The following SLC25A37 variants were observed in gnomAD, a reference collection of about 807,000 sequenced individuals.
The protein encoded by SLC25A37 is mitoferrin-1.
SLC25A37 carries 17 observed loss-of-function variants against 31.0 expected under a neutral mutation model. The observed-to-expected ratio is 0.55, with a 90% CI of 0.38 to 0.82. The LOEUF (loss-of-function observed/expected upper bound fraction) is 0.82. Ranked by LOEUF, SLC25A37 falls within the 40% of genes least tolerant of loss-of-function variation. The pLI, the probability that SLC25A37 is intolerant of heterozygous loss-of-function variation, is 0.00. For synonymous variants in SLC25A37, 222 were observed against 193.0 expected (o/e 1.15, Z -1.24); for missense variants, 404 against 465.8 (o/e 0.87, Z 1.22).
chr8:23,561,618 A>C (rs1585198150), intron 1 of SLC25A37, among the ~76,000 whole-genome samples: 1 of 151,904 alleles, frequency 6.6e-6, no homozygotes, highest in Non-Finnish European at 1.5e-5. Flanking sequence ...CAGCCTGGGC[A>C]CTCTCTGTGC....
chr8:23,539,094 C>T (rs537811165), intron 1 of SLC25A37, among the ~76,000 whole-genome samples: 241 of 152,250 alleles, frequency 1.6e-3, no homozygotes, highest in Non-Finnish European at 2.5e-3. Flanking sequence ...CAGGAAGGGC[C>T]GTTGTCGGGT....
intron 3 of SLC25A37, 158 bp downstream of exon 3, chr8:23,568,536 GGCCTCAA>G: frequency 1.3e-6 from 1 of 786,668 alleles, no homozygotes; most frequent in Non-Finnish European, 2.2e-6. Flanking sequence ...CGTTATCAAA[GGCCTCAA>G]GAAAGGACGT....
chr8:23,541,587 C>T (rs1801895254), intron 1 of SLC25A37: 1 of 152,302 alleles, frequency 6.6e-6, no homozygotes, highest in Non-Finnish European at 1.5e-5. Context: ...GCTTTAGAAG[C>T]AGAACATGGA....
intron 1 of SLC25A37, among the ~76,000 whole-genome samples, chr8:23,540,819 T>C (rs1452282396): frequency 3.3e-5 from 5 of 152,122 alleles, no homozygotes; most frequent in Non-Finnish European, 7.4e-5. Flanking sequence ...CCATCCTGCC[T>C]CCCCTGGCAG....
chr8:23,566,890 G>C (rs1418571407), intron 2 of SLC25A37: 7 of 902,378 alleles, frequency 7.8e-6, no homozygotes, highest in Non-Finnish European at 9.3e-6. Flanking sequence ...CGGGGATCTG[G>C]GAATTTTACC....
intron 1 of SLC25A37, among the ~76,000 whole-genome samples, chr8:23,545,589 A>C (rs1802013615): frequency 6.6e-6 from 1 of 152,172 alleles, no homozygotes; most frequent in African/African-American, 2.4e-5. Flanking sequence ...CTTTGTTACA[A>C]AATCTCTTTG....
intron 1 of SLC25A37, among the ~76,000 whole-genome samples, chr8:23,547,692 CAG>C (rs1802104616): frequency 6.6e-6 from 1 of 152,226 alleles, no homozygotes. Flanking sequence ...TGGGAAGGAC[CAG>C]CGGCCCATGT....
chr8:23,532,523 A>G (rs1801681115), intron 1 of SLC25A37, among the ~76,000 whole-genome samples: 1 of 152,198 alleles, frequency 6.6e-6, no homozygotes, highest in African/African-American at 2.4e-5. Flanking sequence ...TTCCAACCAG[A>G]TTAGGCACAC....
At chr8:23,567,255 A>G (rs1400105509) in intron 2 of SLC25A37, 2 of 151,954 alleles carry the variant, frequency 1.3e-5, no homozygotes, top group African/African-American at 2.4e-5. Context: ...CCATTACCCA[A>G]CCTTGGTCAT....
rs549505786 is a variant in SLC25A37 at position 23,555,260 on chromosome 8, A to G, written c.211-10848A>G. Among the ~76,000 whole-genome samples the G allele has an allele frequency of 4.6e-5, 7 of 152,320 alleles. No homozygotes were observed. The South Asian group carries it at 1.4e-3, about 32-fold the overall frequency. On this transcript the variant is annotated intron_variant, in intron 1 of 3. Transcript: ENST00000519973. ...CTTTCCCAGTCAAAGTAACATATGT[A>G]CATAGTCACAAAATGAAATAGTGTA...
At chr8:23,548,827 T>A (rs1439759438) in intron 1 of SLC25A37, among the ~76,000 whole-genome samples, 1 of 152,098 alleles carries the variant, frequency 6.6e-6, no homozygotes, top group Non-Finnish European at 1.5e-5. Flanking sequence ...TAAAACACTC[T>A]CTCTCTGCTC....
intron 1 of SLC25A37, among the ~76,000 whole-genome samples, chr8:23,558,464 T>A (rs1802425011): frequency 6.6e-6 from 1 of 152,132 alleles, no homozygotes; most frequent in Non-Finnish European, 1.5e-5. Context: ...CTAGGGCCAT[T>A]GTTGCTTCTG....
chr8:23,536,469 G>A (rs1801771021), intron 1 of SLC25A37, among the ~76,000 whole-genome samples: 1 of 152,048 alleles, frequency 6.6e-6, no homozygotes, highest in Non-Finnish European at 1.5e-5. Context: ...CTCCGAGAGG[G>A]GGTTGGCCCT....
At chr8:23,547,061 G>T (rs1192037479) in intron 1 of SLC25A37, among the ~76,000 whole-genome samples, 1 of 152,158 alleles carries the variant, frequency 6.6e-6, no homozygotes, top group Non-Finnish European at 1.5e-5. Context: ...TCTCTTCCAA[G>T]AATCTTTTGC....
chr8:23,563,949 C>G (rs1057112443), intron 1 of SLC25A37, among the ~76,000 whole-genome samples: 11 of 151,840 alleles, frequency 7.2e-5, no homozygotes, highest in African/African-American at 2.7e-4. Flanking sequence ...CCACTGCACT[C>G]CAGCCTGGGC....
chr8:23,563,189 A>G (rs1227393336), intron 1 of SLC25A37, among the ~76,000 whole-genome samples: 1 of 151,830 alleles, frequency 6.6e-6, no homozygotes, highest in South Asian at 2.1e-4. Context: ...CCCTTTTTTA[A>G]TTTTTAATTT....
At chr8:23,553,890 A>G (rs1802295842) in intron 1 of SLC25A37, among the ~76,000 whole-genome samples, 2 of 152,214 alleles carry the variant, frequency 1.3e-5, no homozygotes, top group Admixed American at 1.3e-4. Flanking sequence ...GTGGACATTA[A>G]CAAGTAAGGA....
In SLC25A37 at chr8:23,571,376, T is replaced by G; in HGVS notation, c.538T>G (p.Ser180Ala). ...GCAGATGTACAACTCGCAGCACCGGTCAGCAATCAGCTGCATCCGGACGGT... is the reference window on the plus strand; with the variant it reads ...GCAGATGTACAACTCGCAGCACCGGGCAGCAATCAGCTGCATCCGGACGGT... ...RLQMYNSQHR[S>A]AISCIRTVWR... is the part of the protein sequence containing the mutation. The change falls in exon 4 of 4, where the codon TCA (serine) becomes GCA (alanine). Residue 180 changes from serine to alanine, a missense_variant. By Grantham distance (99) the Ser-to-Ala change is moderately conservative (BLOSUM62 1). This residue lies in a region of SLC25A37 where 243 missense variants were observed against 284.4 expected (regional missense o/e 0.85). Transcript: ENST00000519973. 6.2e-7 allele frequency: 1 copy of G among 1,610,548 alleles called. No homozygotes were observed. The highest frequency in any genetic ancestry group is 1.3e-5 in the African/African-American group (1 of 74,964).
Position 23,573,964 on chromosome 8 carries a change from A to C in SLC25A37, c.*2109A>C, listed in dbSNP as rs1347145549. Reference sequence around the variant, plus strand: ...CGTGTTAAATGGTGTTAAATTCTGCAAATGGAGGGGAAAAAAATCAAATTC... The same window carrying C: ...CGTGTTAAATGGTGTTAAATTCTGCCAATGGAGGGGAAAAAAATCAAATTC... On this transcript the variant is annotated 3_prime_UTR_variant, in exon 4 of 4. Transcript: ENST00000519973. 2.7e-6 allele frequency: 1 copy of C among 366,304 alleles called. No homozygotes were observed. Among genetic ancestry groups the C allele is most frequent in the African/African-American group, 2.1e-5 (1 of 46,904 alleles). The allele number at this position is 366,304 out of a possible 1,614,324, so 22.7% of individuals were successfully genotyped here. A position where few individuals can be genotyped will look rare whatever the true frequency, so the allele number is the denominator to read the frequency against.
Sources: allele counts gnomAD v4.1 joint callset (sites outside exome capture counted in the v4.1 genomes callset), GRCh38; gene constraint gnomAD v4.1.1; regional missense constraint gnomAD v4.1.1; transcripts MANE v1.5; gene names NCBI Gene and HGNC (gene_info 2026-07-23, HGNC 2026-07-21).